Variants in TDRD3 observed in about 807,000 individuals in gnomAD.
TDRD3 encodes tudor domain-containing protein 3.
A neutral mutation model predicts 86.7 loss-of-function variants in TDRD3; 45 were observed. That is an observed-to-expected ratio of 0.52 (90% CI 0.41 to 0.67). TDRD3 has a LOEUF of 0.67. Ranked by LOEUF, TDRD3 falls within the 30% of genes least tolerant of loss-of-function variation. TDRD3 has a pLI of 0.00. For missense variants in TDRD3, 814 were observed against 889.0 expected, an observed-to-expected ratio of 0.92 and a Z score of 1.07; for synonymous variants, 298 against 301.7, an observed-to-expected ratio of 0.99 and a Z score of 0.13.
At chr13:60,508,222 C>T (rs946733214) in intron 8 of TDRD3, among the ~76,000 whole-genome samples, 1 of 152,160 alleles carries the variant, frequency 6.6e-6, no homozygotes, top group South Asian at 2.1e-4. Context: ...CAGTGCTATC[C>T]CCATCAAGCT....
intron 1 of TDRD3, among the ~76,000 whole-genome samples, chr13:60,435,036 T>A (rs1437165425): frequency 6.6e-6 from 1 of 152,208 alleles, no homozygotes; most frequent in South Asian, 2.1e-4. Flanking sequence ...ATTGGTAATA[T>A]TGGAGTTTTA....
intron 8 of TDRD3, among the ~76,000 whole-genome samples, chr13:60,509,307 G>GT (rs1449285140): frequency 1.4e-5 from 2 of 146,094 alleles, no homozygotes. Context: ...TCAAGTACTA[G>GT]TTTAAAAAAA....
At chr13:60,467,415 T>A in intron 5 of TDRD3, 36 bp downstream of exon 5, 1 of 1,603,698 alleles carries the variant, frequency 6.2e-7, no homozygotes, top group South Asian at 1.1e-5. Context: ...TTTGAAACAT[T>A]ACACTCTTTT....
intron 9 of TDRD3, among the ~76,000 whole-genome samples, chr13:60,510,275 C>T (rs1202857746): frequency 6.6e-6 from 1 of 152,118 alleles, no homozygotes; most frequent in Non-Finnish European, 1.5e-5. Context: ...AAAAATATTA[C>T]ATTTACTTGG....
chr13:60,572,763 A>G (rs910889664), intron 13 of TDRD3, among the ~76,000 whole-genome samples: 4 of 152,178 alleles, frequency 2.6e-5, no homozygotes, highest in African/African-American at 9.7e-5. Context: ...TTATTTTCAA[A>G]GTCCTGGTTT....
rs185274420 is a variant in TDRD3, at chr13:60,485,715, C to T, written c.568-84C>T. On this transcript the variant is annotated intron_variant, in intron 6 of 13. Transcript: ENST00000377881. ...TAGCTATTGTAAAAGATACAAGATA[C>T]TTTTGAAGAAGTATTACTTTCTAAC... is the stretch of plus-strand genomic sequence containing the variant. 1.7e-5 allele frequency: 19 copies of T among 1,105,498 alleles called. No homozygotes were observed. The African/African-American group carries it at 2.7e-4, about 16-fold the overall frequency. 68.5% of individuals were successfully genotyped at this position (1,105,498 alleles called of 1,614,324 possible).
intron 4 of TDRD3, among the ~76,000 whole-genome samples, chr13:60,463,027 C>A (rs956368263): frequency 1.3e-5 from 2 of 152,144 alleles, no homozygotes; most frequent in African/African-American, 4.8e-5. Context: ...AAAGGATAGT[C>A]TCTTTAATAA....
intron 5 of TDRD3, among the ~76,000 whole-genome samples, chr13:60,482,829 T>A (rs914504719): frequency 1.3e-5 from 2 of 151,704 alleles, no homozygotes; most frequent in African/African-American, 4.8e-5. Context: ...AAAGTGCACA[T>A]GGTGGTTGTT....
rs371455023 is a variant in TDRD3 at position 60,567,627 on chromosome 13, C to T, written c.2221C>T (p.Arg741Trp). 22 of 1,614,000 alleles carry T rather than the reference C, an allele frequency of 1.4e-5. No homozygotes were observed. Among genetic ancestry groups the T allele is most frequent in the Non-Finnish European group, 1.4e-5 (16 of 1,180,036 alleles). Residue 741 changes from arginine (R) to tryptophan (W), a missense_variant, in exon 13 of 14, where the codon CGG (arginine) becomes TGG (tryptophan). Transcript: ENST00000377881. The part of the protein sequence containing the change: ...RPTQQFYQPP[R>W]ARN ...AACCCAACAGTTTTACCAACCACCCCGGGCTCGGAACTAATAGGAAAAGGT... is the reference window on the plus strand; with the variant it reads ...AACCCAACAGTTTTACCAACCACCCTGGGCTCGGAACTAATAGGAAAAGGT...
intron 1 of TDRD3, among the ~76,000 whole-genome samples, chr13:60,431,483 C>G (rs1453097982): frequency 6.6e-6 from 1 of 151,672 alleles, no homozygotes; most frequent in Non-Finnish European, 1.5e-5. Flanking sequence ...AAATTTCCAT[C>G]TCAATTTTTA....
upstream of TDRD3, among the ~76,000 whole-genome samples, chr13:60,395,820 T>A (rs112117939): frequency 3.6e-3 from 544 of 152,246 alleles, 4 homozygotes; most frequent in African/African-American, 0.012. Context: ...TAAATTGAAA[T>A]ATACCTGTAG....
At chr13:60,550,736 T>TA (rs1230026405) in intron 12 of TDRD3, among the ~76,000 whole-genome samples, 1 of 152,120 alleles carries the variant, frequency 6.6e-6, no homozygotes, top group East Asian at 1.9e-4. Flanking sequence ...CTTACTGGGA[T>TA]AAAATAGTCA....
chr13:60,431,260 A>G (rs1241791125), intron 1 of TDRD3, among the ~76,000 whole-genome samples: 3 of 152,142 alleles, frequency 2.0e-5, no homozygotes, highest in East Asian at 3.9e-4. Flanking sequence ...TAGCTTCAAC[A>G]GGAGTATAAT....
Position 60,447,145 on chromosome 13 carries a change from C to T in TDRD3, c.192+2397C>T, listed in dbSNP as rs114562937. On this transcript the variant is annotated intron_variant, in intron 3 of 13. Coordinates refer to ENST00000377881, the MANE Select transcript of TDRD3 (RefSeq NM_001146070.2). ...TTATCCAGTGATCTTTCAAATAGGGCGTACTAAAAACCAATGTTCCAAAAA... is the reference window on the plus strand; with the variant it reads ...TTATCCAGTGATCTTTCAAATAGGGTGTACTAAAAACCAATGTTCCAAAAA... Among the ~76,000 whole-genome samples the T allele has an allele frequency of 7.3e-3, 1,118 of 152,146 alleles. 17 individuals carry two copies. Among genetic ancestry groups the T allele is most frequent in the African/African-American group, 0.025 (1,056 of 41,500 alleles).
At chr13:60,483,641 C>T in intron 5 of TDRD3, 134 bp from the exon 6 acceptor site, 2 of 672,518 alleles carry the variant, frequency 3.0e-6, no homozygotes, top group Non-Finnish European at 2.3e-6. Flanking sequence ...GTTTGAAATA[C>T]TTCATGGAAG....
Position 60,494,538 on chromosome 13 carries a change from A to C in TDRD3, c.821A>C (p.Lys274Thr). Reference protein sequence around the residue: ...REVLQKEKSTKSEGKHEGVYR... With the variant: ...REVLQKEKSTTSEGKHEGVYR... The stretch of plus-strand genomic sequence containing the variant: ...GTTTTACAGAAAGAAAAGTCAACCA[A>C]ATCAGAGGGAAAACATGAAGGTGTC... The change falls in exon 8 of 14, where the codon AAA (lysine) becomes ACA (threonine). Residue 274 changes from lysine to threonine, a missense_variant. By Grantham distance (78) the Lys-to-Thr change is moderately conservative. Transcript: ENST00000377881. 1 of 1,613,810 alleles carries C rather than the reference A, an allele frequency of 6.2e-7. No individual in the cohort carries two copies.
At chr13:60,465,995 C>T (rs1418714980) in intron 4 of TDRD3, among the ~76,000 whole-genome samples, 1 of 152,108 alleles carries the variant, frequency 6.6e-6, no homozygotes, top group Non-Finnish European at 1.5e-5. Context: ...AGAGGGTAAA[C>T]ATTTTGTCTC....
At chr13:60,493,815 A>G (rs892514146) in intron 7 of TDRD3, among the ~76,000 whole-genome samples, 4 of 152,252 alleles carry the variant, frequency 2.6e-5, no homozygotes, top group African/African-American at 9.6e-5. Context: ...TGAAAAACAA[A>G]TATAAGATAA....
At chr13:60,512,882 A>G (rs1010459942) in intron 10 of TDRD3, among the ~76,000 whole-genome samples, 1 of 152,086 alleles carries the variant, frequency 6.6e-6, no homozygotes, top group African/African-American at 2.4e-5. Flanking sequence ...TGGTGGATCT[A>G]CCATTCTAGG....
Sources: gnomAD v4.1 joint callset for allele counts (sites outside exome capture counted in the v4.1 genomes callset) on GRCh38, gnomAD v4.1.1 for gene constraint, MANE v1.5 for transcripts, NCBI Gene and HGNC (gene_info 2026-07-23, HGNC 2026-07-21) for gene names.